The following ATP8A1 variants were observed in gnomAD, a reference collection of about 807,000 sequenced individuals.
The protein encoded by ATP8A1 is ATPase phospholipid transporting 8A1.
Under a neutral mutation model 177.7 loss-of-function variants are expected in ATP8A1, and 90 were observed. That is an observed-to-expected ratio of 0.51 (90% CI 0.43 to 0.60). The LOEUF (loss-of-function observed/expected upper bound fraction) is 0.60, where lower values mean the gene tolerates loss of function less well. Among genes scored for constraint, ATP8A1 ranks in the 20% least tolerant of loss-of-function variants. The pLI, the probability that ATP8A1 is intolerant of heterozygous loss-of-function variation, is 0.00. For missense variants in ATP8A1, 1,072 were observed against 1,392.8 expected, an observed-to-expected ratio of 0.77 and a Z score of 3.67; for synonymous variants, 493 against 485.9, an observed-to-expected ratio of 1.01 and a Z score of -0.19.
chr4:42,500,496 A>C (rs1364601659), intron 24 of ATP8A1, among the ~76,000 whole-genome samples: 1 of 152,242 alleles, frequency 6.6e-6, no homozygotes, highest in Non-Finnish European at 1.5e-5. Context: ...ATTCAAATTT[A>C]AAAAATTATT....
At chr4:42,627,622 G>T (rs1383073469) in intron 1 of ATP8A1, among the ~76,000 whole-genome samples, 1 of 152,088 alleles carries the variant, frequency 6.6e-6, no homozygotes, top group African/African-American at 2.4e-5. Context: ...TCTCCAGTTA[G>T]AATTCATGTT....
intron 22 of ATP8A1, among the ~76,000 whole-genome samples, chr4:42,509,327 A>G (rs1394940678): frequency 6.6e-6 from 1 of 152,194 alleles, no homozygotes; most frequent in Non-Finnish European, 1.5e-5. Flanking sequence ...AACCCCAACT[A>G]TTTGTATTTA....
At chr4:42,454,077 C>T (rs761756574) in intron 29 of ATP8A1, among the ~76,000 whole-genome samples, 46 of 152,100 alleles carry the variant, frequency 3.0e-4, no homozygotes, top group Non-Finnish European at 4.7e-4. Context: ...CTTTTCAGAA[C>T]CAATGGCATA....
chr4:42,547,486 A>AT (rs1051533862), intron 19 of ATP8A1, among the ~76,000 whole-genome samples: 15 of 152,084 alleles, frequency 9.9e-5, no homozygotes, highest in African/African-American at 1.9e-4. Flanking sequence ...ACCCTGCTTT[A>AT]TTTTTTTCTT....
chr4:42,492,260 A>C (rs1722814100), intron 24 of ATP8A1, among the ~76,000 whole-genome samples: 1 of 152,206 alleles, frequency 6.6e-6, no homozygotes, highest in Admixed American at 6.5e-5. Flanking sequence ...TCAAATGATA[A>C]ACTTATGTTA....
chr4:42,567,761 G>A (rs1411175005), intron 15 of ATP8A1, among the ~76,000 whole-genome samples: 5 of 152,094 alleles, frequency 3.3e-5, no homozygotes, highest in Non-Finnish European at 7.4e-5. Flanking sequence ...AATAACATCC[G>A]CTCTTTCCAG....
intron 1 of ATP8A1, among the ~76,000 whole-genome samples, chr4:42,645,447 G>C (rs2575454): frequency 0.81 from 122,894 of 152,164 alleles, 50,000 homozygotes; most frequent in African/African-American, 0.88. Flanking sequence ...ATTCAAGGTT[G>C]TATACCAGTG....
intron 1 of ATP8A1, among the ~76,000 whole-genome samples, chr4:42,635,309 T>G (rs1336917275): frequency 6.6e-6 from 1 of 152,138 alleles, no homozygotes; most frequent in Non-Finnish European, 1.5e-5. Context: ...CAGACTCAAC[T>G]TTATTGCAAT....
At chr4:42,530,936 G>C (rs1368566874) in intron 20 of ATP8A1, among the ~76,000 whole-genome samples, 4 of 152,174 alleles carry the variant, frequency 2.6e-5, no homozygotes, top group African/African-American at 9.7e-5. Flanking sequence ...TGCTGGCCTA[G>C]AGGTCTTAGT....
chr4:42,477,503 T>C (rs1366097224), intron 25 of ATP8A1, among the ~76,000 whole-genome samples: 1 of 152,092 alleles, frequency 6.6e-6, no homozygotes, highest in Non-Finnish European at 1.5e-5. Flanking sequence ...TTTCTCTCTC[T>C]CCCCATGTAA....
In ATP8A1 at chr4:42,455,420, C is replaced by A. The variant is rs1211370446; in HGVS notation, c.2695-1G>T. The stretch of plus-strand genomic sequence containing the variant: ...TTAAAGGAGGCATTGCTGTAAACAT[C>A]TAAAGCGCACAAACTGGTCATTATG... On this transcript the variant is annotated splice_acceptor_variant, in intron 28 of 36. Transcript: ENST00000381668. LOFTEE classifies it high-confidence loss of function. 4 of 1,613,862 alleles carry A rather than the reference C, an allele frequency of 2.5e-6. No individual in the cohort carries two copies.
intron 19 of ATP8A1, among the ~76,000 whole-genome samples, chr4:42,547,958 C>G (rs1238227192): frequency 6.6e-6 from 1 of 152,100 alleles, no homozygotes; most frequent in Non-Finnish European, 1.5e-5. Flanking sequence ...TGTGAAGTGT[C>G]CTGTGAATGG....
At chr4:42,577,602 C>A (rs1732605386) in intron 12 of ATP8A1, among the ~76,000 whole-genome samples, 1 of 152,026 alleles carries the variant, frequency 6.6e-6, no homozygotes, top group Admixed American at 6.6e-5. Context: ...TAGATAAATT[C>A]ATTAATTTTA....
intron 24 of ATP8A1, among the ~76,000 whole-genome samples, chr4:42,489,672 T>A (rs927329175): frequency 5.3e-5 from 8 of 152,248 alleles, no homozygotes; most frequent in Non-Finnish European, 1.2e-4. Context: ...CCTTATTTAC[T>A]GCCGGGAGTA....
chr4:42,479,996 T>TTGTG (rs376966152), intron 25 of ATP8A1, among the ~76,000 whole-genome samples: 5,192 of 135,600 alleles, frequency 0.038, 226 homozygotes, highest in African/African-American at 0.1. Context: ...GCAGTTCTGC[T>TTGTG]TGTGTGTGTG....
intron 4 of ATP8A1, among the ~76,000 whole-genome samples, chr4:42,622,387 C>T (rs1466525709): frequency 6.6e-6 from 1 of 150,504 alleles, no homozygotes; most frequent in Non-Finnish European, 1.5e-5. Flanking sequence ...ATCTCAAAAA[C>T]AAAAAAAACA....
At chr4:42,513,141 T>A (rs1725184070) in intron 22 of ATP8A1, among the ~76,000 whole-genome samples, 1 of 152,184 alleles carries the variant, frequency 6.6e-6, no homozygotes, top group African/African-American at 2.4e-5. Flanking sequence ...CTCCATCTTG[T>A]CTGATCACCG....
chr4:42,559,642 A>C (rs1329463643), intron 15 of ATP8A1, among the ~76,000 whole-genome samples: 1 of 152,176 alleles, frequency 6.6e-6, no homozygotes, highest in African/African-American at 2.4e-5. Flanking sequence ...GGTATAAAAT[A>C]CTATATGTAC....
At chr4:42,420,011 A>AC (rs1244475734) in intron 35 of ATP8A1, among the ~76,000 whole-genome samples, 4 of 127,820 alleles carry the variant, frequency 3.1e-5, no homozygotes, top group Non-Finnish European at 3.4e-5. Context: ...TCAAAAAAAA[A>AC]CAAACAAACA....
Sources: gnomAD v4.1 joint callset for allele counts (sites outside exome capture counted in the v4.1 genomes callset) on GRCh38, gnomAD v4.1.1 for gene constraint, MANE v1.5 for transcripts, NCBI Gene and HGNC (gene_info 2026-07-23, HGNC 2026-07-21) for gene names.